The following PLXNA4 variants were observed in gnomAD, a reference collection of about 807,000 sequenced individuals.
PLXNA4 encodes plexin-A4.
Under a neutral mutation model 191.8 loss-of-function variants are expected in PLXNA4, and 44 were observed. The observed-to-expected ratio is 0.23, with a 90% CI of 0.18 to 0.29. The LOEUF (loss-of-function observed/expected upper bound fraction) is 0.29, where lower values mean the gene tolerates loss of function less well. Among genes scored for constraint, PLXNA4 ranks in the 10% least tolerant of loss-of-function variants. The probability of loss-of-function intolerance (pLI) is 1.00; values close to 1 mark genes in which losing one functional copy is unlikely to be tolerated. For missense variants in PLXNA4, 1,800 were observed against 2,488.8 expected (o/e 0.72, Z 5.89); for synonymous variants, 1,082 against 1,009.5 (o/e 1.07, Z -1.36).
At chr7:132,261,768 C>T (rs941701258) in intron 4 of PLXNA4, among the ~76,000 whole-genome samples, 1 of 152,196 alleles carries the variant, frequency 6.6e-6, no homozygotes, top group Admixed American at 6.5e-5. Flanking sequence ...GGGTAGCAGC[C>T]ACTCTGCCCT....
chr7:132,306,145 G>T (rs1002883508), intron 3 of PLXNA4, among the ~76,000 whole-genome samples: 17 of 152,192 alleles, frequency 1.1e-4, no homozygotes, highest in Non-Finnish European at 2.4e-4. Flanking sequence ...CAGAGGTGGA[G>T]GGGCTTGTGC....
At chr7:132,616,599 C>A (rs1467382978) in intron 2 of PLXNA4, among the ~76,000 whole-genome samples, 1 of 152,174 alleles carries the variant, frequency 6.6e-6, no homozygotes, top group African/African-American at 2.4e-5. Flanking sequence ...ACATAAACTA[C>A]ATGTCTAACA....
rs551587239 is a variant in PLXNA4, at chr7:132,454,933, T to C, written c.1371+34359A>G. 1.5e-3 allele frequency among the ~76,000 whole-genome samples: 226 copies of C among 152,314 alleles called. 5 individuals are homozygous for C. In the South Asian group the frequency reaches 0.041, roughly 28 times the overall value. On this transcript the variant is annotated intron_variant, in intron 3 of 31. Coordinates refer to ENST00000321063, the MANE Select transcript of PLXNA4 (RefSeq NM_020911.2). The stretch of plus-strand genomic sequence containing the variant: ...AACTCATCCAGATCTCTTCCTGTCC[T>C]ACGGTGGGCTGTCCACCTTCCCACA...
chr7:132,130,470 G>A lies in PLXNA4; in HGVS notation c.*9C>T. ...GTCCCCCTCCAGGGCGGCCCTGGAA[G>A]GACGGTTCTCAGCTGTCTAAGCTCA... On this transcript the variant is annotated 3_prime_UTR_variant, in exon 32 of 32. Transcript: ENST00000321063. The A allele has an allele frequency of 6.2e-7, 1 of 1,614,170 alleles. No individual in the cohort carries two copies. The highest frequency in any genetic ancestry group is 8.5e-7 in the Non-Finnish European group (1 of 1,180,000).
chr7:132,378,716 C>T (rs1460020363), intron 3 of PLXNA4, among the ~76,000 whole-genome samples: 1 of 152,144 alleles, frequency 6.6e-6, no homozygotes, highest in African/African-American at 2.4e-5. Flanking sequence ...AAAAGTCCCT[C>T]CCACCTCTGA....
rs569786429 is a variant in PLXNA4 at position 132,145,301 on chromosome 7, G to T, written c.5056-13C>A. On this transcript the variant is annotated splice_polypyrimidine_tract_variant and intron_variant, in intron 28 of 31. Transcript: ENST00000321063. Reference sequence around the variant, plus strand: ...TCTGCAGTGTGCCCTGGAGAGGCAGGATACGTCCAGACACAGCTCGACTCA... The same window carrying T: ...TCTGCAGTGTGCCCTGGAGAGGCAGTATACGTCCAGACACAGCTCGACTCA... The T allele has an allele frequency of 1.0e-4, 167 of 1,613,938 alleles. 1 individual carries two copies. The highest frequency in any genetic ancestry group is 3.9e-5 in the Non-Finnish European group (46 of 1,179,828).
chr7:132,138,494 C>A (rs1222869381), intron 30 of PLXNA4, among the ~76,000 whole-genome samples: 2 of 152,142 alleles, frequency 1.3e-5, no homozygotes, highest in Non-Finnish European at 2.9e-5. Flanking sequence ...TGGGAGTGGA[C>A]GTGGACTTGT....
At chr7:132,586,273 A>G (rs1191661509) in intron 2 of PLXNA4, among the ~76,000 whole-genome samples, 1 of 152,260 alleles carries the variant, frequency 6.6e-6, no homozygotes. Flanking sequence ...AGATTTGTCT[A>G]TGATTGCAAT....
chr7:132,308,459 A>G (rs1801608532), intron 3 of PLXNA4, among the ~76,000 whole-genome samples: 1 of 152,146 alleles, frequency 6.6e-6, no homozygotes, highest in South Asian at 2.1e-4. Context: ...ACCACCTGCC[A>G]TGCGCCACAC....
chr7:132,307,064 C>T (rs1022298347), intron 3 of PLXNA4, among the ~76,000 whole-genome samples: 1 of 152,074 alleles, frequency 6.6e-6, no homozygotes, highest in African/African-American at 2.4e-5. Flanking sequence ...GAGGATTTCT[C>T]AGTTCCCATC....
chr7:132,324,739 G>A (rs1802296197), intron 3 of PLXNA4, among the ~76,000 whole-genome samples: 1 of 152,172 alleles, frequency 6.6e-6, no homozygotes, highest in Non-Finnish European at 1.5e-5. Context: ...CCTTTCCCTA[G>A]GGTGAATGGG....
At chr7:132,180,462 TG>T in intron 19 of PLXNA4, 123 bp downstream of exon 19, 3 of 1,426,542 alleles carry the variant, frequency 2.1e-6, no homozygotes, top group Non-Finnish European at 2.8e-6. Context: ...ACTTGGGGTG[TG>T]GGGTAGCTAC....
At chr7:132,258,090 T>C (rs1799495126) in intron 4 of PLXNA4, among the ~76,000 whole-genome samples, 1 of 152,240 alleles carries the variant, frequency 6.6e-6, no homozygotes. Context: ...GCAAGACTCC[T>C]GGCCTGGAAG....
intron 6 of PLXNA4, among the ~76,000 whole-genome samples, chr7:132,227,983 T>C (rs898057266): frequency 1.3e-5 from 2 of 152,200 alleles, no homozygotes; most frequent in African/African-American, 4.8e-5. Context: ...TGCTGGAACT[T>C]GGAAGTCACC....
In PLXNA4 at chr7:132,302,769, T is replaced by C. The variant is rs1475099885; in HGVS notation, c.1372-4547A>G. ...CCATGCCAGAAAGAAATAGTTGAGATGAAAGAAGACACACTGACCAGTGGC... is the reference window on the plus strand; with the variant it reads ...CCATGCCAGAAAGAAATAGTTGAGACGAAAGAAGACACACTGACCAGTGGC... On this transcript the variant is annotated intron_variant, in intron 3 of 31. Coordinates refer to ENST00000321063, the MANE Select transcript of PLXNA4 (RefSeq NM_020911.2). Among the ~76,000 whole-genome samples the C allele has an allele frequency of 3.3e-5, 5 of 151,952 alleles. No individual in the cohort carries two copies. In the East Asian group the frequency reaches 9.7e-4, roughly 29 times the overall value.
chr7:132,308,975 C>G (rs1801626661), intron 3 of PLXNA4, among the ~76,000 whole-genome samples: 1 of 152,048 alleles, frequency 6.6e-6, no homozygotes, highest in African/African-American at 2.4e-5. Flanking sequence ...ACAAGTTCAC[C>G]TAAGGGCAGG....
At chr7:132,562,190 TCTCCTC>T (rs544942776) in intron 1 of PLXNA4, among the ~76,000 whole-genome samples, 1 of 62,008 alleles carries the variant, frequency 1.6e-5, no homozygotes, top group Non-Finnish European at 3.2e-5. Context: ...TCCTCCTCCT[TCTCCTC>T]CTCCTCCTTC....
intron 3 of PLXNA4, among the ~76,000 whole-genome samples, chr7:132,439,613 T>G (rs1795612498): frequency 6.6e-6 from 1 of 152,194 alleles, no homozygotes; most frequent in Non-Finnish European, 1.5e-5. Flanking sequence ...AGGGGCATTT[T>G]CTGCTGCTCA....
At chr7:132,202,572 C>T (rs1797474332) in intron 12 of PLXNA4, 74 bp downstream of exon 12, 2 of 1,358,618 alleles carry the variant, frequency 1.5e-6, no homozygotes, top group Middle Eastern at 2.8e-4. Flanking sequence ...CACGGCTGGG[C>T]AGAGTTTCCA....
Sources: allele counts gnomAD v4.1 joint callset (sites outside exome capture counted in the v4.1 genomes callset), GRCh38; gene constraint gnomAD v4.1.1; transcripts MANE v1.5; gene names NCBI Gene and HGNC (gene_info 2026-07-23, HGNC 2026-07-21).